TECRL: variants seen among roughly 807,000 people sequenced by gnomAD.
The protein encoded by TECRL is trans-2,3-enoyl-CoA reductase-like.
TECRL carries 63 observed loss-of-function variants against 52.8 expected under a neutral mutation model. That is an observed-to-expected ratio of 1.19 (90% CI 0.97 to 1.47). TECRL has a LOEUF of 1.47. Ranked by LOEUF, TECRL falls within the 40% of genes most tolerant of loss-of-function variation. The pLI, the probability that TECRL is intolerant of heterozygous loss-of-function variation, is 0.00. For synonymous variants in TECRL, 164 were observed against 141.9 expected (o/e 1.16, Z -1.10); for missense variants, 482 against 429.6 (o/e 1.12, Z -1.08).
At position 64,305,278 on chromosome 4, in the gene TECRL, A is replaced by G. The variant is rs369596861; in HGVS notation, c.658-40T>C. On this transcript the variant is annotated intron_variant, in intron 6 of 11. Coordinates refer to ENST00000381210, the MANE Select transcript of TECRL (RefSeq NM_001010874.5). ...AAACAAAATAAAAGTTAGGAAAAAT[A>G]TGTAATATATATTTCAATTGTGACA... 1.2e-4 allele frequency: 188 copies of G among 1,550,742 alleles called. 1 individual carries two copies. Among genetic ancestry groups the G allele is most frequent in the Non-Finnish European group, 1.5e-4 (169 of 1,127,900 alleles).
At chr4:64,356,950 C>A (rs529946684) in intron 2 of TECRL, among the ~76,000 whole-genome samples, 1 of 152,222 alleles carries the variant, frequency 6.6e-6, no homozygotes, top group East Asian at 1.9e-4. Flanking sequence ...ACCAGATTAT[C>A]TCTATACTTT....
intron 9 of TECRL, among the ~76,000 whole-genome samples, chr4:64,284,612 A>G (rs1304026383): frequency 6.6e-6 from 1 of 152,054 alleles, no homozygotes; most frequent in Admixed American, 6.6e-5. Flanking sequence ...ACTCCCTAGA[A>G]AATCAAGGCA....
intron 6 of TECRL, 102 bp downstream of exon 6, chr4:64,309,724 G>T: frequency 1.3e-6 from 1 of 793,136 alleles, no homozygotes; most frequent in African/African-American, 1.8e-5. Flanking sequence ...GCAATTAAAC[G>T]TGAAAATCTA....
At chr4:64,312,751 A>G (rs1717128438) in intron 5 of TECRL, among the ~76,000 whole-genome samples, 1 of 129,348 alleles carries the variant, frequency 7.7e-6, no homozygotes, top group Non-Finnish European at 1.6e-5. Flanking sequence ...TGGGCTACAG[A>G]GCAAGACCCT....
At position 64,343,913 on chromosome 4, in the gene TECRL, T is replaced by C. The variant is rs17084664; in HGVS notation, c.287-15357A>G. On this transcript the variant is annotated intron_variant, in intron 2 of 11. Transcript: ENST00000381210. ...GAACATTTTAACCTGCTTTCATTTG[T>C]AATCTATAGAAAGCTTTTTAAAAAA... Among the ~76,000 whole-genome samples the C allele has an allele frequency of 2.6e-3, 403 of 152,142 alleles. 12 individuals are homozygous for C. In the East Asian group the frequency reaches 0.063, roughly 24 times the overall value.
intron 1 of TECRL, among the ~76,000 whole-genome samples, chr4:64,393,677 A>ATATT (rs1170137070): frequency 2.0e-5 from 3 of 151,800 alleles, no homozygotes; most frequent in African/African-American, 7.2e-5. Flanking sequence ...CAGAAAATAA[A>ATATT]TATTAATATA....
intron 2 of TECRL, among the ~76,000 whole-genome samples, chr4:64,360,381 A>T (rs754020199): frequency 1.3e-5 from 2 of 152,214 alleles, no homozygotes; most frequent in Non-Finnish European, 2.9e-5. Context: ...TTTCATTAAT[A>T]TATTCAAGTT....
chr4:64,368,823 T>C (rs938177875), intron 2 of TECRL, among the ~76,000 whole-genome samples: 3 of 152,176 alleles, frequency 2.0e-5, no homozygotes, highest in Non-Finnish European at 4.4e-5. Flanking sequence ...CTATATGTGA[T>C]AAATCCTCCT....
chr4:64,291,442 C>T (rs1214962350), intron 8 of TECRL, among the ~76,000 whole-genome samples: 1 of 151,748 alleles, frequency 6.6e-6, no homozygotes, highest in African/African-American at 2.4e-5. Flanking sequence ...TTGTCATATT[C>T]GTTTTCCATC....
chr4:64,333,693 G>T (rs1272772942), intron 2 of TECRL, among the ~76,000 whole-genome samples: 1 of 152,092 alleles, frequency 6.6e-6, no homozygotes, highest in Non-Finnish European at 1.5e-5. Context: ...ATTAGTTGGG[G>T]AATGGAATGC....
chr4:64,379,893 A>G (rs747448207), intron 1 of TECRL, among the ~76,000 whole-genome samples: 1 of 152,002 alleles, frequency 6.6e-6, no homozygotes, highest in Non-Finnish European at 1.5e-5. Context: ...TGATATACTG[A>G]TTTGTTTTCC....
At chr4:64,293,172 T>C (rs977351014) in intron 8 of TECRL, among the ~76,000 whole-genome samples, 2 of 152,080 alleles carry the variant, frequency 1.3e-5, no homozygotes, top group African/African-American at 4.8e-5. Flanking sequence ...ACTAATACGA[T>C]ATTGAAGAAT....
At chr4:64,409,082 A>C (rs1214853162) in intron 1 of TECRL, 36 bp downstream of exon 1, 1 of 1,506,382 alleles carries the variant, frequency 6.6e-7, no homozygotes, top group Admixed American at 2.1e-5. Flanking sequence ...AGAAACACTT[A>C]AACAAACAAA....
At chr4:64,387,667 A>ATCC (rs1560550161) in intron 1 of TECRL, among the ~76,000 whole-genome samples, 1 of 151,940 alleles carries the variant, frequency 6.6e-6, no homozygotes, top group Non-Finnish European at 1.5e-5. Flanking sequence ...CTCTTTTTGT[A>ATCC]TATTTATTCG....
At chr4:64,320,426 G>A (rs1717821952) in intron 4 of TECRL, among the ~76,000 whole-genome samples, 1 of 151,898 alleles carries the variant, frequency 6.6e-6, no homozygotes, top group Non-Finnish European at 1.5e-5. Context: ...GCAATGTAAT[G>A]TGTATATTTT....
Position 64,386,922 on chromosome 4 carries a change from A to G in TECRL, c.235-11699T>C, listed in dbSNP as rs117626568. Among the ~76,000 whole-genome samples the G allele has an allele frequency of 4.3e-4, 66 of 152,276 alleles. No individual in the cohort carries two copies. The East Asian group carries it at 0.012, about 28-fold the overall frequency. On this transcript the variant is annotated intron_variant, in intron 1 of 11. Transcript: ENST00000381210. ...TACATTTTTTACAACGGATATATCT[A>G]CAATGACACATCATAATCCCCACAG...
At chr4:64,389,245 T>A (rs929585161) in intron 1 of TECRL, among the ~76,000 whole-genome samples, 2 of 151,976 alleles carry the variant, frequency 1.3e-5, no homozygotes, top group African/African-American at 4.8e-5. Flanking sequence ...TGACGTGACC[T>A]GTAGGTCTTT....
intron 2 of TECRL, among the ~76,000 whole-genome samples, chr4:64,364,833 C>T (rs984406334): frequency 2.0e-5 from 3 of 149,320 alleles, no homozygotes; most frequent in South Asian, 2.2e-4. Context: ...ACTTTCAAAA[C>T]GAACTGGCAC....
At chr4:64,382,606 A>G (rs1269686051) in intron 1 of TECRL, among the ~76,000 whole-genome samples, 2 of 151,964 alleles carry the variant, frequency 1.3e-5, no homozygotes, top group Non-Finnish European at 2.9e-5. Flanking sequence ...TTTTACAGAT[A>G]AAATGAGTTT....
Sources: allele counts gnomAD v4.1 joint callset (sites outside exome capture counted in the v4.1 genomes callset), GRCh38; gene constraint gnomAD v4.1.1; transcripts MANE v1.5; gene names NCBI Gene and HGNC (gene_info 2026-07-23, HGNC 2026-07-21).